The following PTPRC variants were observed in gnomAD, a reference collection of about 807,000 sequenced individuals.
PTPRC encodes the protein receptor-type tyrosine-protein phosphatase C.
A neutral mutation model predicts 155.9 loss-of-function variants in PTPRC; 44 were observed. The ratio of observed to expected loss-of-function variants is 0.28; its 90% CI spans 0.22 to 0.36. The LOEUF is 0.36. Ranked by LOEUF, PTPRC falls within the 10% of genes least tolerant of loss-of-function variation. The pLI, the probability that PTPRC is intolerant of heterozygous loss-of-function variation, is 1.00. For synonymous variants in PTPRC, 525 were observed against 533.1 expected, an observed-to-expected ratio of 0.98 and a Z score of 0.21; for missense variants, 1,401 against 1,564.6, an observed-to-expected ratio of 0.90 and a Z score of 1.76.
intron 2 of PTPRC, among the ~76,000 whole-genome samples, chr1:198,686,880 G>A (rs1286788212): frequency 6.6e-6 from 1 of 152,118 alleles, no homozygotes; most frequent in Non-Finnish European, 1.5e-5. Context: ...AACAACTTAG[G>A]TAACTACATC....
At chr1:198,661,510 A>G (rs1238435564) in intron 2 of PTPRC, among the ~76,000 whole-genome samples, 2 of 151,898 alleles carry the variant, frequency 1.3e-5, no homozygotes, top group East Asian at 1.9e-4. Context: ...CTGTTGTAAT[A>G]TTATATACCA....
chr1:198,641,127 G>A (rs983804386), intron 2 of PTPRC, among the ~76,000 whole-genome samples: 13 of 151,926 alleles, frequency 8.6e-5, no homozygotes, highest in African/African-American at 3.1e-4. Flanking sequence ...AATATTGAGA[G>A]CAAACATTTT....
At chr1:198,654,851 A>G (rs1663466739) in intron 2 of PTPRC, among the ~76,000 whole-genome samples, 1 of 151,934 alleles carries the variant, frequency 6.6e-6, no homozygotes, top group African/African-American at 2.4e-5. Context: ...TCAATTTTTC[A>G]TGTTAAAATT....
intron 2 of PTPRC, among the ~76,000 whole-genome samples, chr1:198,640,935 C>T (rs1292635365): frequency 7.9e-5 from 12 of 151,946 alleles, no homozygotes; most frequent in Non-Finnish European, 1.5e-5. Context: ...AAAAATTCAA[C>T]TCATTCTATT....
At chr1:198,699,725 T>C in intron 5 of PTPRC, 21 bp downstream of exon 5, 1 of 1,613,988 alleles carries the variant, frequency 6.2e-7, no homozygotes, top group Non-Finnish European at 8.5e-7. Flanking sequence ...CCTTTAGACT[T>C]GTGCAAATAT....
intron 15 of PTPRC, among the ~76,000 whole-genome samples, chr1:198,724,704 T>C (rs565994695): frequency 1.4e-3 from 210 of 150,660 alleles, no homozygotes; most frequent in African/African-American, 3.9e-3. Flanking sequence ...CTCTCTCTCT[T>C]TTTTTGGTCT....
chr1:198,751,779 C>A (rs1054811006), intron 29 of PTPRC, among the ~76,000 whole-genome samples: 1 of 151,998 alleles, frequency 6.6e-6, no homozygotes, highest in African/African-American at 2.4e-5. Context: ...TATAAAGCTG[C>A]TTATGGTGTT....
chr1:198,729,560 G>T (rs1654295600), intron 17 of PTPRC, among the ~76,000 whole-genome samples: 1 of 152,036 alleles, frequency 6.6e-6, no homozygotes, highest in African/African-American at 2.4e-5. Flanking sequence ...TTTTAAATAA[G>T]AATTGGGCAT....
Position 198,742,894 on chromosome 1 carries a change from G to A in PTPRC, c.2697+527G>A, listed in dbSNP as rs546764235. ...TAACCACAAAAGTAATACAAATAAA[G>A]CACTTAAACAAGTCCCTGGCCCATG... On this transcript the variant is annotated intron_variant, in intron 25 of 32. Transcript: ENST00000442510. 4.6e-5 allele frequency among the ~76,000 whole-genome samples: 7 copies of A among 151,616 alleles called. No homozygotes were observed. The East Asian group carries it at 9.8e-4, about 21-fold the overall frequency.
intron 31 of PTPRC, among the ~76,000 whole-genome samples, chr1:198,753,392 A>G (rs1339985832): frequency 6.6e-6 from 1 of 152,026 alleles, no homozygotes; most frequent in Non-Finnish European, 1.5e-5. Context: ...TAATTGAAAG[A>G]AAGATATATA....
At chr1:198,755,664 C>T (rs764565815) in intron 32 of PTPRC, among the ~76,000 whole-genome samples, 4 of 151,970 alleles carry the variant, frequency 2.6e-5, no homozygotes, top group Non-Finnish European at 4.4e-5. Flanking sequence ...GGCCCATGAG[C>T]GGAGTGAACA....
chr1:198,677,890 C>T (rs746926251), intron 2 of PTPRC, among the ~76,000 whole-genome samples: 2 of 151,978 alleles, frequency 1.3e-5, no homozygotes, highest in Non-Finnish European at 2.9e-5. Context: ...GGATTCAAAA[C>T]TAGGTCATTC....
At chr1:198,679,716 G>T (rs1665189725) in intron 2 of PTPRC, 1 of 383,700 alleles carries the variant, frequency 2.6e-6, no homozygotes, top group Non-Finnish European at 4.9e-6. Context: ...GCCCTCCGGA[G>T]GCCCGAGCCC....
chr1:198,741,789 TG>T, intron 23 of PTPRC, 79 bp from the exon 24 acceptor site: 1 of 1,385,070 alleles, frequency 7.2e-7, no homozygotes. Context: ...GACTTTGTAC[TG>T]GTACTCCCTT....
intron 2 of PTPRC, among the ~76,000 whole-genome samples, chr1:198,672,975 A>G (rs957464648): frequency 1.4e-4 from 22 of 152,302 alleles, no homozygotes; most frequent in African/African-American, 4.6e-4. Flanking sequence ...CATTATCAGC[A>G]TCACATTTAT....
intron 15 of PTPRC, among the ~76,000 whole-genome samples, chr1:198,725,168 G>A (rs1654075923): frequency 6.6e-6 from 1 of 152,080 alleles, no homozygotes; most frequent in Non-Finnish European, 1.5e-5. Context: ...TTATATATCT[G>A]AGAATTCTTT....
In PTPRC at chr1:198,742,256, C is replaced by G; in HGVS notation, c.2586C>G (p.Thr862=). Residue 862 remains threonine, a synonymous_variant, in exon 25 of 33, where the codon ACC becomes ACG. Coordinates refer to ENST00000442510, the MANE Select transcript of PTPRC (RefSeq NM_002838.5). ...GTGCTGGTGTTGGGCGCACAGGAAC[C>G]TATATCGGAATTGATGCCATGCTAG... is the stretch of plus-strand genomic sequence containing the variant. ...HCSAGVGRTG[T]YIGIDAMLEG... 1.9e-6 allele frequency: 3 copies of G among 1,612,250 alleles called. No homozygotes were observed. The highest frequency in any genetic ancestry group is 2.5e-6 in the Non-Finnish European group (3 of 1,178,892).
At chr1:198,662,296 T>G (rs1037534167) in intron 2 of PTPRC, among the ~76,000 whole-genome samples, 6 of 152,238 alleles carry the variant, frequency 3.9e-5, no homozygotes, top group Non-Finnish European at 8.8e-5. Context: ...GTATATGTAT[T>G]TCTTATTCTT....
intron 11 of PTPRC, 64 bp downstream of exon 11, chr1:198,709,888 G>A: frequency 3.2e-6 from 5 of 1,571,652 alleles, no homozygotes; most frequent in Non-Finnish European, 4.3e-6. Context: ...ATAATTATTT[G>A]AGAATCATAG....
Sources: gnomAD v4.1 joint callset for allele counts (sites outside exome capture counted in the v4.1 genomes callset) on GRCh38, gnomAD v4.1.1 for gene constraint, MANE v1.5 for transcripts, NCBI Gene and HGNC (gene_info 2026-07-23, HGNC 2026-07-21) for gene names.